The following SVIL variants were observed in gnomAD, a reference collection of about 807,000 sequenced individuals.
SVIL encodes archvillin.
Under a neutral mutation model 240.4 loss-of-function variants are expected in SVIL, and 101 were observed. The observed-to-expected ratio is 0.42, with a 90% confidence interval of 0.36 to 0.50. The LOEUF is 0.50. SVIL is among the 20% of genes least tolerant of loss of function. The probability of loss-of-function intolerance (pLI) is 0.01; values close to 1 mark genes in which losing one functional copy is unlikely to be tolerated. For missense variants in SVIL, 2,512 were observed against 2,818.7 expected, an observed-to-expected ratio of 0.89 and a Z score of 2.46; for synonymous variants, 999 against 1,100.0, an observed-to-expected ratio of 0.91 and a Z score of 1.82.
chr10:29,535,882 C>T lies in SVIL; in HGVS notation c.908+107G>A. On this transcript the variant is annotated intron_variant, in intron 7 of 37. Coordinates refer to ENST00000355867, the MANE Select transcript of SVIL (RefSeq NM_021738.3). ...AACTTCCACGTGATTTTCAAGTGCA[C>T]TGGTATTAAAGAAGGCAAGAGGAGA... 3 of 1,118,054 alleles carry T rather than the reference C, an allele frequency of 2.7e-6. 1 individual carries two copies. The highest frequency in any genetic ancestry group is 1.3e-6 in the Non-Finnish European group (1 of 749,632). The allele number at this position is 1,118,054 out of a possible 1,614,324, so 69.3% of individuals were successfully genotyped here.
Position 29,555,045 on chromosome 10 carries a change from T to C in SVIL, c.8+6A>G. 1 of 1,613,236 alleles carries C rather than the reference T, an allele frequency of 6.2e-7. No individual in the cohort carries two copies. The highest frequency in any genetic ancestry group is 1.3e-5 in the African/African-American group (1 of 74,944). On this transcript the variant is annotated splice_donor_region_variant and intron_variant, in intron 4 of 37. Transcript: ENST00000355867. ...TACTTCCTAACTCCCACTATAAAGATCTTACCTTTTCATTTCTAAGAATTC... is the reference window on the plus strand; with the variant it reads ...TACTTCCTAACTCCCACTATAAAGACCTTACCTTTTCATTTCTAAGAATTC...
At position 29,554,976 on chromosome 10, in the gene SVIL, C is replaced by A. The variant is rs748635917; in HGVS notation, c.9-42G>T. The A allele has an allele frequency of 2.5e-5, 40 of 1,608,958 alleles. 1 individual carries two copies. The highest frequency in any genetic ancestry group is 3.3e-4 in the Middle Eastern group (2 of 6,054). ...AAGAGGCAGAGTGAGCAACAGCGAT[C>A]GAATCTAAAGGAAAATGGAATACTG... On this transcript the variant is annotated intron_variant, in intron 4 of 37. Transcript: ENST00000355867.
intron 1 of SVIL, among the ~76,000 whole-genome samples, chr10:29,593,258 C>T (rs1449939965): frequency 6.6e-6 from 1 of 152,200 alleles, no homozygotes; most frequent in Non-Finnish European, 1.5e-5. Flanking sequence ...AAGACACAGC[C>T]TGTCCCACAG....
intron 1 of SVIL, among the ~76,000 whole-genome samples, chr10:29,613,508 A>C (rs77833194): frequency 6.6e-6 from 1 of 151,366 alleles, no homozygotes; most frequent in Admixed American, 6.6e-5. Context: ...ACTTAAAAAA[A>C]TTTTTTTTTG....
At chr10:29,626,266 T>C (rs1957863493) in intron 1 of SVIL, among the ~76,000 whole-genome samples, 1 of 152,192 alleles carries the variant, frequency 6.6e-6, no homozygotes, top group South Asian at 2.1e-4. Context: ...GTATTTTACA[T>C]TTTGTTATTA....
chr10:29,605,424 A>C (rs1956983832), intron 1 of SVIL, among the ~76,000 whole-genome samples: 1 of 152,188 alleles, frequency 6.6e-6, no homozygotes, highest in African/African-American at 2.4e-5. Context: ...TGCTGCTCTG[A>C]GGTTTCCCAG....
chr10:29,680,088 G>T (rs996373250), intron 2 of SVIL, among the ~76,000 whole-genome samples: 2 of 152,116 alleles, frequency 1.3e-5, no homozygotes, highest in Non-Finnish European at 2.9e-5. Flanking sequence ...GGGGGGCTTA[G>T]GTGGGAGGAT....
At chr10:29,561,399 A>T (rs942567226) in intron 3 of SVIL, among the ~76,000 whole-genome samples, 1 of 152,254 alleles carries the variant, frequency 6.6e-6, no homozygotes, top group Non-Finnish European at 1.5e-5. Flanking sequence ...ATTATGCATC[A>T]AATAAAGGAA....
chr10:29,691,815 G>A (rs1961532032), intron 1 of SVIL, among the ~76,000 whole-genome samples: 1 of 152,150 alleles, frequency 6.6e-6, no homozygotes, highest in African/African-American at 2.4e-5. Flanking sequence ...CTCTGTTATA[G>A]GTAGACACTC....
At chr10:29,493,509 T>C (rs1948157312) in intron 20 of SVIL, 118 bp from the exon 21 acceptor site, 2 of 1,140,682 alleles carry the variant, frequency 1.8e-6, no homozygotes, top group Admixed American at 2.3e-5. Flanking sequence ...AGAAACACGG[T>C]TGTGATATAC....
intron 6 of SVIL, among the ~76,000 whole-genome samples, chr10:29,541,635 G>A (rs936668916): frequency 6.6e-6 from 1 of 152,174 alleles, no homozygotes; most frequent in Non-Finnish European, 1.5e-5. Context: ...GAGGGAGGAG[G>A]TATGTGCAGA....
At chr10:29,712,582 T>C (rs1300268507) in intron 1 of SVIL, among the ~76,000 whole-genome samples, 1 of 152,206 alleles carries the variant, frequency 6.6e-6, no homozygotes, top group Non-Finnish European at 1.5e-5. Flanking sequence ...AACTCTTCTT[T>C]ATAAATTACC....
intron 23 of SVIL, among the ~76,000 whole-genome samples, chr10:29,488,206 GGCAGAGA>G (rs3031507): frequency 0.081 from 12,253 of 152,014 alleles, 507 homozygotes; most frequent in Admixed American, 0.12. Context: ...GGGAGAACTG[GGCAGAGA>G]GCAGAGAGCC....
At chr10:29,636,131 TAACA>T (rs376853007), upstream of SVIL, among the ~76,000 whole-genome samples, 10 of 151,438 alleles carry the variant, frequency 6.6e-5, no homozygotes, top group African/African-American at 2.4e-4. Flanking sequence ...CATCTCAAGA[TAACA>T]AACAAACAAA....
At chr10:29,699,477 A>AT (rs35068107) in intron 1 of SVIL, among the ~76,000 whole-genome samples, 2 of 151,806 alleles carry the variant, frequency 1.3e-5, no homozygotes, top group African/African-American at 2.4e-5. Context: ...TAATTTTTGT[A>AT]TTTTTTAGTA....
chr10:29,481,133 G>GGT (rs57479630), intron 28 of SVIL, among the ~76,000 whole-genome samples: 34,824 of 141,184 alleles, frequency 0.25, 4,591 homozygotes, highest in East Asian at 0.42. Flanking sequence ...TAGCTTTAAG[G>GGT]GTGTGTGTGT....
rs556271057 is a variant in SVIL at position 29,699,132 on chromosome 10, T to A, written c.-399-12481A>T. Among the ~76,000 whole-genome samples the A allele has an allele frequency of 2.6e-5, 4 of 152,134 alleles. No individual in the cohort carries two copies. The East Asian group carries it at 7.7e-4, about 29-fold the overall frequency. ...ACTGCTGTTTGGTTGCTGTATGTTA[T>A]TTTTTATTTTTTTTAGAGACAGGGT... On this transcript the variant is annotated intron_variant, in intron 1 of 35. Transcript: ENST00000375400.
At chr10:29,555,323 CACACACACACACACACACACAT>C (rs1953810557) in intron 3 of SVIL, among the ~76,000 whole-genome samples, 1 of 136,042 alleles carries the variant, frequency 7.4e-6, no homozygotes, top group African/African-American at 2.8e-5. Flanking sequence ...GACACACACA[CACACACACACACACACACACAT>C]GGACACACCC....
chr10:29,550,465 T>C (rs1285726607), intron 6 of SVIL, 132 bp downstream of exon 6: 13 of 1,022,214 alleles, frequency 1.3e-5, no homozygotes, highest in Non-Finnish European at 1.8e-5. Context: ...AAAAGAATCA[T>C]ATACTATGAT....
Sources: gnomAD v4.1 joint callset for allele counts (sites outside exome capture counted in the v4.1 genomes callset) on GRCh38, gnomAD v4.1.1 for gene constraint, MANE v1.5 for transcripts, NCBI Gene and HGNC (gene_info 2026-07-23, HGNC 2026-07-21) for gene names.